Variants in PHLPP1 observed in about 807,000 individuals in gnomAD.
PHLPP1 encodes the protein PH domain and leucine rich repeat protein phosphatase 1, also known as PH domain leucine-rich repeat-containing protein phosphatase 1.
In PHLPP1, 42 loss-of-function variants were observed where a neutral mutation model predicts 117.2. The observed-to-expected ratio is 0.36, with a 90% CI of 0.28 to 0.46. PHLPP1 has a LOEUF of 0.46. Ranked by LOEUF, PHLPP1 falls within the 20% of genes least tolerant of loss-of-function variation. PHLPP1 has a pLI of 1.00. For missense variants in PHLPP1, 2,084 were observed against 2,241.9 expected (o/e 0.93, Z 1.42); for synonymous variants, 1,042 against 970.7 (o/e 1.07, Z -1.37).
intron 1 of PHLPP1, among the ~76,000 whole-genome samples, chr18:62,769,340 T>C (rs1285625540): frequency 6.6e-6 from 1 of 152,222 alleles, no homozygotes; most frequent in Non-Finnish European, 1.5e-5. Context: ...CAGGCTGTTT[T>C]GAAGCGTTTT....
intron 1 of PHLPP1, among the ~76,000 whole-genome samples, chr18:62,735,373 C>G (rs1398381310): frequency 3.9e-5 from 6 of 151,932 alleles, no homozygotes; most frequent in Non-Finnish European, 7.4e-5. Context: ...CATAAGCTAC[C>G]CTGCCTGGCC....
At chr18:62,780,249 G>T (rs990289168) in intron 1 of PHLPP1, among the ~76,000 whole-genome samples, 2 of 148,798 alleles carry the variant, frequency 1.3e-5, no homozygotes, top group African/African-American at 4.9e-5. Context: ...TTCAGTTTTT[G>T]TTTGTTTTCA....
chr18:62,789,561 G>A (rs763459465), intron 1 of PHLPP1, among the ~76,000 whole-genome samples: 1 of 152,046 alleles, frequency 6.6e-6, no homozygotes, highest in African/African-American at 2.4e-5. Context: ...GGTGCAGTAG[G>A]GGGTGGGGAC....
At chr18:62,814,266 A>G (rs769393165) in intron 1 of PHLPP1, among the ~76,000 whole-genome samples, 11 of 152,192 alleles carry the variant, frequency 7.2e-5, no homozygotes, top group Non-Finnish European at 1.2e-4. Flanking sequence ...TCCCAAATCT[A>G]TTTAGCAGCT....
In PHLPP1 at chr18:62,727,162, A is replaced by T. The variant is rs1444069260; in HGVS notation, c.1576+9903A>T. ...AGAATCACTTGAACCTGGGAGGTGA[A>T]GGTTGCAGTGAGCCGAGATCAAGCC... is the stretch of plus-strand genomic sequence containing the variant. On this transcript the variant is annotated intron_variant, in intron 1 of 16. Coordinates refer to ENST00000262719, the MANE Select transcript of PHLPP1 (RefSeq NM_194449.4). 5.2e-4 allele frequency among the ~76,000 whole-genome samples: 78 copies of T among 150,188 alleles called. 1 individual carries two copies. The highest frequency in any genetic ancestry group is 2.1e-4 in the Non-Finnish European group (14 of 67,600).
chr18:62,753,351 TAAG>T (rs932943021), intron 1 of PHLPP1, among the ~76,000 whole-genome samples: 16 of 152,368 alleles, frequency 1.1e-4, no homozygotes, highest in Middle Eastern at 3.4e-3. Flanking sequence ...ATAAGTCACT[TAAG>T]AAGACTTTTA....
chr18:62,876,379 G>T (rs1459454212), intron 4 of PHLPP1, among the ~76,000 whole-genome samples: 1 of 152,156 alleles, frequency 6.6e-6, no homozygotes, highest in Non-Finnish European at 1.5e-5. Context: ...AAGTGTATTT[G>T]TAATGGCATT....
chr18:62,875,263 C>T (rs1260452025), intron 4 of PHLPP1, among the ~76,000 whole-genome samples: 1 of 151,954 alleles, frequency 6.6e-6, no homozygotes, highest in African/African-American at 2.4e-5. Context: ...CTATAGAATT[C>T]TTAATGTGAT....
In PHLPP1 at chr18:62,963,349, T is replaced by G; in HGVS notation, c.3456-19T>G. The G allele has an allele frequency of 1.3e-6, 2 of 1,556,256 alleles. No homozygotes were observed. Among genetic ancestry groups the G allele is most frequent in the South Asian group, 1.1e-5 (1 of 87,924 alleles). On this transcript the variant is annotated intron_variant, in intron 13 of 16. Coordinates refer to ENST00000262719, the MANE Select transcript of PHLPP1 (RefSeq NM_194449.4). ...TTTGGTTTTAATGATTCCTGTTCCC[T>G]CCCTGTTTCTCTTGTTAGTAATATC... is the stretch of plus-strand genomic sequence containing the variant.
At chr18:62,935,070 T>C (rs1046798404) in intron 10 of PHLPP1, among the ~76,000 whole-genome samples, 3 of 152,202 alleles carry the variant, frequency 2.0e-5, no homozygotes, top group Non-Finnish European at 4.4e-5. Context: ...GGCATGAGCG[T>C]TGGGTAAAGA....
chr18:62,770,775 A>C (rs1466842661), intron 1 of PHLPP1, among the ~76,000 whole-genome samples: 2 of 152,172 alleles, frequency 1.3e-5, no homozygotes. Context: ...ATACATAATA[A>C]GATATCTTGG....
chr18:62,864,146 C>T (rs575289381), intron 4 of PHLPP1, among the ~76,000 whole-genome samples: 8 of 152,032 alleles, frequency 5.3e-5, no homozygotes, highest in East Asian at 1.9e-4. Context: ...CTCAGCCTCC[C>T]GAGTAGCTGG....
intron 1 of PHLPP1, among the ~76,000 whole-genome samples, chr18:62,796,092 A>G (rs1913624258): frequency 6.6e-6 from 1 of 152,228 alleles, no homozygotes; most frequent in Non-Finnish European, 1.5e-5. Context: ...CACGGTTTAC[A>G]AAGCAGGTAT....
chr18:62,904,164 C>A (rs1032722629), intron 7 of PHLPP1, among the ~76,000 whole-genome samples: 23 of 152,264 alleles, frequency 1.5e-4, no homozygotes, highest in African/African-American at 5.1e-4. Flanking sequence ...TGGCTGAGCA[C>A]TGAAGGGTTA....
intron 1 of PHLPP1, among the ~76,000 whole-genome samples, chr18:62,792,389 G>T (rs1913487346): frequency 6.6e-6 from 1 of 152,098 alleles, no homozygotes; most frequent in Admixed American, 6.5e-5. Flanking sequence ...TAGTATGAAT[G>T]ATTTTTTTAT....
intron 10 of PHLPP1, among the ~76,000 whole-genome samples, chr18:62,921,545 A>G (rs1185443847): frequency 6.6e-6 from 1 of 152,210 alleles, no homozygotes; most frequent in African/African-American, 2.4e-5. Flanking sequence ...TTATTAGATT[A>G]CTAACACCAT....
intron 12 of PHLPP1, among the ~76,000 whole-genome samples, chr18:62,946,082 T>C (rs1910273089): frequency 6.6e-6 from 1 of 152,228 alleles, no homozygotes; most frequent in East Asian, 1.9e-4. Context: ...GATTTTATGC[T>C]TAATGAAAAA....
chr18:62,829,997 T>G, intron 1 of PHLPP1, 38 bp from the exon 2 acceptor site: 1 of 1,528,238 alleles, frequency 6.5e-7, no homozygotes, highest in Non-Finnish European at 8.9e-7. Flanking sequence ...AAAGGGTCCA[T>G]TTTAAAAGAA....
At chr18:62,776,020 A>G (rs1022545326) in intron 1 of PHLPP1, among the ~76,000 whole-genome samples, 1 of 152,102 alleles carries the variant, frequency 6.6e-6, no homozygotes, top group Non-Finnish European at 1.5e-5. Context: ...AAGATAGCCT[A>G]TCTATGTCTA....
Sources: gnomAD v4.1 joint callset for allele counts (sites outside exome capture counted in the v4.1 genomes callset) on GRCh38, gnomAD v4.1.1 for gene constraint, MANE v1.5 for transcripts, NCBI Gene and HGNC (gene_info 2026-07-23, HGNC 2026-07-21) for gene names.